CDKAL1: variants seen among roughly 807,000 people sequenced by gnomAD.
CDKAL1 encodes the protein threonylcarbamoyladenosine tRNA methylthiotransferase.
In CDKAL1, 32 loss-of-function variants were observed where a neutral mutation model predicts 68.2. The ratio of observed to expected loss-of-function variants is 0.47; its 90% CI spans 0.35 to 0.63. The LOEUF (loss-of-function observed/expected upper bound fraction) is 0.63. Ranked by LOEUF, CDKAL1 falls within the 30% of genes least tolerant of loss-of-function variation. The pLI, the probability that CDKAL1 is intolerant of heterozygous loss-of-function variation, is 0.00. For missense variants in CDKAL1, 606 were observed against 696.7 expected (o/e 0.87, Z 1.47); for synonymous variants, 234 against 244.3 (o/e 0.96, Z 0.39).
At chr6:20,785,817 G>A (rs6927892) in intron 8 of CDKAL1, among the ~76,000 whole-genome samples, 1,985 of 152,126 alleles carry the variant, frequency 0.013, 48 homozygotes, top group African/African-American at 0.044. Context: ...TTAGGAAAAG[G>A]GTCCCATTTG....
At chr6:20,872,564 G>A (rs1760280430) in intron 9 of CDKAL1, among the ~76,000 whole-genome samples, 1 of 152,178 alleles carries the variant, frequency 6.6e-6, no homozygotes, top group Non-Finnish European at 1.5e-5. Flanking sequence ...AAAGAAATGG[G>A]CATGCATATT....
chr6:20,835,866 C>G (rs1441536477), intron 8 of CDKAL1, among the ~76,000 whole-genome samples: 1 of 152,054 alleles, frequency 6.6e-6, no homozygotes, highest in East Asian at 1.9e-4. Flanking sequence ...CCCTTTTCAA[C>G]TTCAGTTTTC....
At chr6:21,168,835 A>T (rs970585787) in intron 13 of CDKAL1, among the ~76,000 whole-genome samples, 1 of 152,174 alleles carries the variant, frequency 6.6e-6, no homozygotes, top group Non-Finnish European at 1.5e-5. Context: ...TTTAATTCGC[A>T]TCTATCTCTG....
chr6:20,828,226 C>CATT (rs749495909), intron 8 of CDKAL1, among the ~76,000 whole-genome samples: 131 of 151,768 alleles, frequency 8.6e-4, no homozygotes, highest in African/African-American at 1.3e-3. Flanking sequence ...ATGCCTGTTT[C>CATT]ATTATTATTA....
chr6:20,993,570 T>C (rs1484681674), intron 10 of CDKAL1: 1 of 152,228 alleles, frequency 6.6e-6, no homozygotes, highest in Admixed American at 6.5e-5. Context: ...GGCAAGCACA[T>C]ACTGAGTGAT....
chr6:20,869,221 T>C (rs1042031075), intron 9 of CDKAL1, among the ~76,000 whole-genome samples: 3 of 152,220 alleles, frequency 2.0e-5, no homozygotes, highest in Admixed American at 6.5e-5. Context: ...AATCATCTAA[T>C]TGATTTTCTT....
chr6:20,770,849 A>G (rs2150362246), intron 7 of CDKAL1, among the ~76,000 whole-genome samples: 1 of 152,306 alleles, frequency 6.6e-6, no homozygotes, highest in Non-Finnish European at 1.5e-5. Flanking sequence ...AATAGATATA[A>G]TCATGTATAT....
chr6:21,067,704 T>A (rs1044670995), intron 12 of CDKAL1, among the ~76,000 whole-genome samples: 4 of 152,172 alleles, frequency 2.6e-5, no homozygotes, highest in Admixed American at 2.0e-4. Flanking sequence ...TGTAAACTTT[T>A]CCACTGGGGG....
intron 8 of CDKAL1, among the ~76,000 whole-genome samples, chr6:20,845,060 A>G (rs1175337589): frequency 1.3e-5 from 2 of 152,252 alleles, no homozygotes; most frequent in African/African-American, 2.4e-5. Flanking sequence ...TAAGCATTGC[A>G]TATTTGACTG....
intron 13 of CDKAL1, among the ~76,000 whole-genome samples, chr6:21,128,135 C>T (rs570209419): frequency 6.6e-6 from 1 of 152,290 alleles, no homozygotes; most frequent in Non-Finnish European, 1.5e-5. Context: ...TCAGTGGAAA[C>T]TGTACTTGGA....
chr6:21,134,425 A>T (rs900098153), intron 13 of CDKAL1, among the ~76,000 whole-genome samples: 1 of 152,198 alleles, frequency 6.6e-6, no homozygotes, highest in Non-Finnish European at 1.5e-5. Context: ...TTCATAAAAC[A>T]CATTTTATGT....
At chr6:21,221,243 AGG>A (rs1287609274) in intron 15 of CDKAL1, among the ~76,000 whole-genome samples, 1 of 151,960 alleles carries the variant, frequency 6.6e-6, no homozygotes, top group Non-Finnish European at 1.5e-5. Context: ...TTTTTCATGG[AGG>A]GGAAACAAGG....
Position 20,833,686 on chromosome 6 carries a change from T to G in CDKAL1, c.639-12389T>G, listed in dbSNP as rs906483079. 2.0e-5 allele frequency among the ~76,000 whole-genome samples: 3 copies of G among 152,346 alleles called. No individual in the cohort carries two copies. The East Asian group carries it at 5.8e-4, about 29-fold the overall frequency. Reference sequence around the variant, plus strand: ...TGGTCATTCTTTCATAATCCAGGAATGGTAAACACCCCCTGTACTTGGTAG... The same window carrying G: ...TGGTCATTCTTTCATAATCCAGGAAGGGTAAACACCCCCTGTACTTGGTAG... On this transcript the variant is annotated intron_variant, in intron 8 of 15. Transcript: ENST00000274695.
chr6:20,682,647 G>C (rs1261148734), intron 5 of CDKAL1, among the ~76,000 whole-genome samples: 1 of 152,090 alleles, frequency 6.6e-6, no homozygotes, highest in South Asian at 2.1e-4. Flanking sequence ...CTCCAACAAC[G>C]GGAATTACAA....
At chr6:20,902,061 C>T (rs540955829) in intron 9 of CDKAL1, among the ~76,000 whole-genome samples, 20 of 147,880 alleles carry the variant, frequency 1.4e-4, no homozygotes, top group African/African-American at 4.1e-4. Flanking sequence ...TTCAGCTGTC[C>T]GTCTACAGTA....
chr6:20,705,602 A>G (rs543926529), intron 5 of CDKAL1, among the ~76,000 whole-genome samples: 1 of 152,350 alleles, frequency 6.6e-6, no homozygotes, highest in African/African-American at 2.4e-5. Flanking sequence ...TGTATAAACA[A>G]CTGGGCCTAA....
chr6:20,603,934 G>A lies in CDKAL1; in HGVS notation c.287-45359G>A, dbSNP rs917028971. Among the ~76,000 whole-genome samples, 25 of 151,486 alleles carry A rather than the reference G, an allele frequency of 1.7e-4. 1 individual carries two copies. Among genetic ancestry groups the A allele is most frequent in the South Asian group, 4.2e-4 (2 of 4,772 alleles). ...TGGGATTACAGGCGCTTGCCACCAC[G>A]CCCGGCTAATTTTTGTATAGTTGCT... On this transcript the variant is annotated intron_variant, in intron 4 of 15. Transcript: ENST00000274695.
intron 9 of CDKAL1, among the ~76,000 whole-genome samples, chr6:20,909,181 A>C (rs1276327038): frequency 1.5e-5 from 2 of 133,222 alleles, no homozygotes; most frequent in Non-Finnish European, 3.2e-5. Flanking sequence ...ATATGTGTGC[A>C]TGTATGTGTG....
At chr6:20,895,609 T>C (rs1256613353) in intron 9 of CDKAL1, among the ~76,000 whole-genome samples, 4 of 152,196 alleles carry the variant, frequency 2.6e-5, no homozygotes, top group Admixed American at 2.6e-4. Flanking sequence ...GTTCTTATCA[T>C]CATCATGTTG....
Sources: gnomAD v4.1 joint callset for allele counts (sites outside exome capture counted in the v4.1 genomes callset) on GRCh38, gnomAD v4.1.1 for gene constraint, MANE v1.5 for transcripts, NCBI Gene and HGNC (gene_info 2026-07-23, HGNC 2026-07-21) for gene names.